Variants in FGFR2 observed in about 807,000 individuals in gnomAD.
The protein encoded by FGFR2 is fibroblast growth factor receptor 2.
A neutral mutation model predicts 95.9 loss-of-function variants in FGFR2; 19 were observed. That is an observed-to-expected ratio of 0.20 (90% CI 0.14 to 0.29). The LOEUF is 0.29. Among genes scored for constraint, FGFR2 ranks in the 10% least tolerant of loss-of-function variants. The probability of loss-of-function intolerance (pLI) is 1.00; values close to 1 mark genes in which losing one functional copy is unlikely to be tolerated. For synonymous variants in FGFR2, 392 were observed against 393.3 expected, an observed-to-expected ratio of 1.00 and a Z score of 0.04; for missense variants, 707 against 1,056.9, an observed-to-expected ratio of 0.67 and a Z score of 4.59.
chr10:121,586,262 C>T (rs1238793372), intron 2 of FGFR2, among the ~76,000 whole-genome samples: 2 of 152,144 alleles, frequency 1.3e-5, no homozygotes, highest in African/African-American at 4.8e-5. Context: ...CCAAGAAAGG[C>T]GCTACATAAA....
chr10:121,484,325 C>G (rs1048399108), intron 16 of FGFR2, among the ~76,000 whole-genome samples: 1 of 152,104 alleles, frequency 6.6e-6, no homozygotes, highest in Non-Finnish European at 1.5e-5. Context: ...AATCTGCCAC[C>G]ACTGGGCTGC....
intron 2 of FGFR2, among the ~76,000 whole-genome samples, chr10:121,578,802 C>G (rs985108769): frequency 6.6e-6 from 1 of 152,162 alleles, no homozygotes. Flanking sequence ...CCCAGCTACT[C>G]GGGAGGCTGA....
In FGFR2 at chr10:121,518,685, G is replaced by A. The variant is rs2134280283; in HGVS notation, c.940-1222C>T. On this transcript the variant is annotated intron_variant, in intron 7 of 17. Coordinates refer to ENST00000358487, the MANE Select transcript of FGFR2 (RefSeq NM_000141.5). The surrounding 1 kb of genome is among the most constrained non-coding windows in gnomAD (Gnocchi z 4.0). The stretch of plus-strand genomic sequence containing the variant: ...ACAAAAATGAAAGCATTGTTACCTT[G>A]CTGTTTTGGCAGGACAGTGAGCCAG... 6.2e-7 allele frequency: 1 copy of A among 1,614,142 alleles called. No individual in the cohort carries two copies. Among genetic ancestry groups the A allele is most frequent in the Non-Finnish European group, 8.5e-7 (1 of 1,180,026 alleles).
At chr10:121,537,740 A>T (rs1222218475) in intron 6 of FGFR2, among the ~76,000 whole-genome samples, 1 of 152,148 alleles carries the variant, frequency 6.6e-6, no homozygotes, top group Non-Finnish European at 1.5e-5. Flanking sequence ...TCAAGGTGGC[A>T]GGTTGAAAGT....
intron 2 of FGFR2, among the ~76,000 whole-genome samples, chr10:121,568,430 G>A (rs1858032682): frequency 6.6e-6 from 1 of 152,162 alleles, no homozygotes; most frequent in South Asian, 2.1e-4. Context: ...CACCAGAAAT[G>A]TTATGGAATG....
intron 4 of FGFR2, among the ~76,000 whole-genome samples, chr10:121,556,058 A>G (rs1333536358): frequency 6.6e-6 from 1 of 152,184 alleles, no homozygotes; most frequent in African/African-American, 2.4e-5. Flanking sequence ...TGGAGGGTAC[A>G]GCTGGAGTTG....
chr10:121,561,891 G>A (rs1857036959), intron 4 of FGFR2, among the ~76,000 whole-genome samples: 1 of 152,216 alleles, frequency 6.6e-6, no homozygotes. Flanking sequence ...GGCCTTAACA[G>A]ACATCTCACC....
intron 6 of FGFR2, among the ~76,000 whole-genome samples, chr10:121,520,799 C>G (rs117281119): frequency 6.6e-6 from 1 of 152,180 alleles, no homozygotes; most frequent in African/African-American, 2.4e-5. Flanking sequence ...ACCGCCACCA[C>G]GCCCAGCTGA....
chr10:121,483,649 G>A (rs1483092530), intron 17 of FGFR2, 49 bp downstream of exon 17: 6 of 1,355,738 alleles, frequency 4.4e-6, no homozygotes, highest in Admixed American at 3.5e-5. Flanking sequence ...CACTACGCAT[G>A]TCTCACAAGA....
chr10:121,565,910 T>C, intron 2 of FGFR2: 1 of 625,786 alleles, frequency 1.6e-6, no homozygotes, highest in Non-Finnish European at 2.8e-6. Context: ...CCCCAGAAAA[T>C]CTGTCCTGAC....
intron 6 of FGFR2, among the ~76,000 whole-genome samples, chr10:121,522,228 A>G (rs928085893): frequency 3.3e-5 from 5 of 152,228 alleles, no homozygotes; most frequent in African/African-American, 1.2e-4. Context: ...CATCGTGCCT[A>G]TAGTCAACAA....
chr10:121,591,740 A>G (rs1263746568), intron 2 of FGFR2, among the ~76,000 whole-genome samples: 1 of 152,200 alleles, frequency 6.6e-6, no homozygotes, highest in Non-Finnish European at 1.5e-5. Context: ...ATAAAAATGC[A>G]CAAAAGGACA....
intron 17 of FGFR2, chr10:121,481,986 C>T (rs1349014565): frequency 4.1e-6 from 2 of 483,760 alleles, no homozygotes; most frequent in Non-Finnish European, 7.5e-6. Context: ...TACAGGTGCA[C>T]ACCAACACGC....
At chr10:121,514,242 T>C (rs1372514072) in intron 9 of FGFR2, among the ~76,000 whole-genome samples, 1 of 152,256 alleles carries the variant, frequency 6.6e-6, no homozygotes, top group Non-Finnish European at 1.5e-5. Context: ...AAGTTTCAAA[T>C]GCTTTTGTAA....
intron 11 of FGFR2, among the ~76,000 whole-genome samples, chr10:121,499,188 T>C (rs1019724769): frequency 5.9e-5 from 9 of 152,138 alleles, no homozygotes; most frequent in African/African-American, 2.2e-4. Flanking sequence ...AAAAGTTACA[T>C]AAACTTCCGC....
Position 121,509,569 on chromosome 10 carries a change from C to T in FGFR2, c.1287+5548G>A, listed in dbSNP as rs1224379879. On this transcript the variant is annotated intron_variant, in intron 9 of 17. Transcript: ENST00000358487. ...CACGATCTTGGCTCACTGCAACCCC[C>T]GCCTACCGGGTTCAAGTGATTCTCC... 3.4e-5 allele frequency among the ~76,000 whole-genome samples: 5 copies of T among 148,890 alleles called. No homozygotes were observed. The East Asian group carries it at 9.9e-4, about 30-fold the overall frequency.
chr10:121,583,042 A>C (rs1188751344), intron 2 of FGFR2, among the ~76,000 whole-genome samples: 2 of 152,084 alleles, frequency 1.3e-5, no homozygotes, highest in African/African-American at 4.8e-5. Flanking sequence ...TTTTCCCCTA[A>C]GGACACCCTT....
intron 2 of FGFR2, 47 bp downstream of exon 2, chr10:121,593,662 C>T (rs2135480647): frequency 1.3e-6 from 2 of 1,552,296 alleles, no homozygotes; most frequent in African/African-American, 1.4e-5. Context: ...AATCTGCCCC[C>T]AGACAAATCC....
chr10:121,546,678 G>T (rs113346221), intron 5 of FGFR2, among the ~76,000 whole-genome samples: 165 of 152,030 alleles, frequency 1.1e-3, no homozygotes, highest in African/African-American at 3.7e-3. Context: ...TTTATAGGCC[G>T]CACATGCATG....
Sources: gnomAD v4.1 joint callset for allele counts (sites outside exome capture counted in the v4.1 genomes callset) on GRCh38, gnomAD v4.1.1 for gene constraint, Gnocchi (gnomAD v3.1) non-coding constraint, MANE v1.5 for transcripts, NCBI Gene and HGNC (gene_info 2026-07-23, HGNC 2026-07-21) for gene names.